Variants in P2RY2 observed in about 807,000 individuals in gnomAD.
P2RY2 encodes the protein P2Y purinoceptor 2.
For synonymous variants in P2RY2, 241 were observed against 231.9 expected, an observed-to-expected ratio of 1.04 and a Z score of -0.35; for missense variants, 567 against 515.7, an observed-to-expected ratio of 1.10 and a Z score of -0.96.
chr11:73,229,904 A>C (rs1185035864), intron 2 of P2RY2, among the ~76,000 whole-genome samples: 1 of 151,998 alleles, frequency 6.6e-6, no homozygotes, highest in Non-Finnish European at 1.5e-5. Context: ...TCCCTGTCCA[A>C]GTGGGGCAGA....
intron 1 of P2RY2, chr11:73,218,720 T>C (rs1483358963): frequency 6.6e-6 from 1 of 152,232 alleles, no homozygotes; most frequent in Admixed American, 6.5e-5. Flanking sequence ...GAGGTCTGCG[T>C]GTTAGCGGGT....
chr11:73,234,575 T>C lies in P2RY2; in HGVS notation c.416T>C (p.Leu139Pro). 4 of 1,577,378 alleles carry C rather than the reference T, an allele frequency of 2.5e-6. No homozygotes were observed. Among genetic ancestry groups the C allele is most frequent in the Non-Finnish European group, 3.4e-6 (4 of 1,161,012 alleles). Reference sequence around the variant, plus strand: ...CGGTGTCTGGGCGTCTTACGACCTCTGCGCTCCCTGCGCTGGGGCCGGGCC... The same window carrying C: ...CGGTGTCTGGGCGTCTTACGACCTCCGCGCTCCCTGCGCTGGGGCCGGGCC... ...VHRCLGVLRP[L>P]RSLRWGRARY... The change falls in exon 3 of 3, where the codon CTG (leucine) becomes CCG (proline). Residue 139 changes from leucine (L) to proline (P), a missense_variant. Leu to Pro is a moderately conservative substitution (Grantham distance 98). Transcript: ENST00000393597.
chr11:73,234,243 C>T lies in P2RY2; in HGVS notation c.84C>T (p.Asn28=), dbSNP rs147189011. The change falls in exon 3 of 3, where the codon AAC becomes AAT. Residue 28 remains asparagine (N), a synonymous_variant. Transcript: ENST00000393597. ...GDELGYRCRF[N]EDFKYVLLPV... ...AGCTGGGCTACAGGTGCCGCTTCAA[C>T]GAGGACTTCAAGTACGTGCTGCTGC... 4.3e-6 allele frequency: 7 copies of T among 1,614,064 alleles called. No individual in the cohort carries two copies. The highest frequency in any genetic ancestry group is 1.6e-4 in the Middle Eastern group (1 of 6,084).
chr11:73,233,894 T>C lies in P2RY2; in HGVS notation c.-4-262T>C, dbSNP rs1203609258. On this transcript the variant is annotated intron_variant, in intron 2 of 2. Coordinates refer to ENST00000393597, the MANE Select transcript of P2RY2 (RefSeq NM_002564.4). ...TGTAAACAGATGGGCACCGTTGTGT[T>C]CCAACAAAGCTGAATTTACAAAAGC... 5 of 521,770 alleles carry C rather than the reference T, an allele frequency of 9.6e-6. No homozygotes were observed. The Admixed American group carries it at 1.4e-4, about 15-fold the overall frequency. 32.3% of individuals were successfully genotyped at this position (521,770 alleles called of 1,614,324 possible). A position where few individuals can be genotyped will look rare whatever the true frequency, so the allele number is the denominator to read the frequency against.
At chr11:73,220,873 G>C (rs970268119) in intron 1 of P2RY2, among the ~76,000 whole-genome samples, 1 of 152,168 alleles carries the variant, frequency 6.6e-6, no homozygotes, top group African/African-American at 2.4e-5. Context: ...GACCAGCTAA[G>C]AAGGTGTGAG....
Position 73,235,571 on chromosome 11 carries a change from T to C in P2RY2, c.*278T>C. ...AATGACACCCCTGGCCTGACTCCCA[T>C]GCAAGTAGCTGGCTGTACTGCCAAG... On this transcript the variant is annotated 3_prime_UTR_variant, in exon 3 of 3. Coordinates refer to ENST00000393597, the MANE Select transcript of P2RY2 (RefSeq NM_002564.4). 3 of 1,153,654 alleles carry C rather than the reference T, an allele frequency of 2.6e-6. No homozygotes were observed. Among genetic ancestry groups the C allele is most frequent in the Non-Finnish European group, 2.2e-6 (2 of 929,432 alleles). 71.5% of individuals were successfully genotyped at this position (1,153,654 alleles called of 1,614,324 possible). A position where few individuals can be genotyped will look rare whatever the true frequency, so the allele number is the denominator to read the frequency against.
At position 73,236,556 on chromosome 11, in the gene P2RY2, G is replaced by A. The variant is rs1405445369; in HGVS notation, c.*1263G>A. On this transcript the variant is annotated 3_prime_UTR_variant, in exon 3 of 3. Coordinates refer to ENST00000393597, the MANE Select transcript of P2RY2 (RefSeq NM_002564.4). ...AGGATGCATCCCAGGCAAAGACATG[G>A]GGCAAGAGGGCAGGGTGTGCATGAG... is the stretch of plus-strand genomic sequence containing the variant. 1.0e-6 allele frequency: 1 copy of A among 985,316 alleles called. No individual in the cohort carries two copies. Among genetic ancestry groups the A allele is most frequent in the East Asian group, 1.1e-4 (1 of 8,800 alleles). The allele number at this position is 985,316 out of a possible 1,614,324, so 61.0% of individuals were successfully genotyped here.
Position 73,236,581 on chromosome 11 carries a change from G to A in P2RY2, c.*1288G>A, listed in dbSNP as rs180869209. 404 of 985,414 alleles carry A rather than the reference G, an allele frequency of 4.1e-4. No individual in the cohort carries two copies. The highest frequency in any genetic ancestry group is 2.6e-3 in the Admixed American group (42 of 16,292). The allele number at this position is 985,414 out of a possible 1,614,324, so 61.0% of individuals were successfully genotyped here. A position where few individuals can be genotyped will look rare whatever the true frequency, so the allele number is the denominator to read the frequency against. On this transcript the variant is annotated 3_prime_UTR_variant, in exon 3 of 3. Transcript: ENST00000393597. ...GGGCAAGAGGGCAGGGTGTGCATGA[G>A]CCATAAGCAGGCTGGACAGCTGACT...
intron 1 of P2RY2, among the ~76,000 whole-genome samples, chr11:73,222,799 T>C (rs544959727): frequency 6.6e-6 from 1 of 152,342 alleles, no homozygotes; most frequent in East Asian, 1.9e-4. Flanking sequence ...TAGGAGTTGC[T>C]GTGTGCTCCA....
At chr11:73,233,917 A>G in intron 2 of P2RY2, 1 of 545,030 alleles carries the variant, frequency 1.8e-6, no homozygotes. Flanking sequence ...AATTTACAAA[A>G]GCAGACTGGA....
At chr11:73,219,298 G>A (rs1473469295) in intron 1 of P2RY2, among the ~76,000 whole-genome samples, 1 of 152,188 alleles carries the variant, frequency 6.6e-6, no homozygotes, top group Non-Finnish European at 1.5e-5. Context: ...ATTACCTGTG[G>A]GTGGAAGTGG....
intron 1 of P2RY2, among the ~76,000 whole-genome samples, chr11:73,226,528 C>A (rs1862283359): frequency 6.6e-6 from 1 of 152,084 alleles, no homozygotes; most frequent in African/African-American, 2.4e-5. Flanking sequence ...CCAAGCTATT[C>A]CTGCAGTGCC....
chr11:73,234,754 A>G lies in P2RY2; in HGVS notation c.595A>G (p.Ser199Gly), dbSNP rs141776297. ...PELFSRFVAY[S>G]SVMLGLLFAV... ...GCTCTTCAGCCGCTTCGTGGCCTAC[A>G]GCTCAGTCATGCTGGGCCTGCTCTT... Residue 199 changes from serine to glycine, a missense_variant, in exon 3 of 3, where the codon AGC becomes GGC. Ser to Gly is a moderately conservative substitution (Grantham distance 56, BLOSUM62 0). Coordinates refer to ENST00000393597, the MANE Select transcript of P2RY2 (RefSeq NM_002564.4). 7.5e-4 allele frequency: 1,212 copies of G among 1,611,020 alleles called. 3 individuals carry two copies. Among genetic ancestry groups the G allele is most frequent in the Non-Finnish European group, 7.4e-4 (872 of 1,179,930 alleles).
At position 73,236,861 on chromosome 11, in the gene P2RY2, C is replaced by T. The variant is rs181202261; in HGVS notation, c.*1568C>T. On this transcript the variant is annotated 3_prime_UTR_variant, in exon 3 of 3. Coordinates refer to ENST00000393597, the MANE Select transcript of P2RY2 (RefSeq NM_002564.4). Reference sequence around the variant, plus strand: ...TCTAGCCAGGACCACTCTGGGCTGACGTGTGGCGCTCAGCTGGACAGGGCC... The same window carrying T: ...TCTAGCCAGGACCACTCTGGGCTGATGTGTGGCGCTCAGCTGGACAGGGCC... The T allele has an allele frequency of 3.7e-5, 36 of 985,342 alleles. No homozygotes were observed. The Middle Eastern group carries it at 1.6e-3, about 43-fold the overall frequency. The allele number at this position is 985,342 out of a possible 1,614,324, so 61.0% of individuals were successfully genotyped here.
rs1234461071 is a variant in P2RY2, at chr11:73,236,068, A to G, written c.*775A>G. On this transcript the variant is annotated 3_prime_UTR_variant, in exon 3 of 3. Transcript: ENST00000393597. ...CTAGCTGTCTCAGGAGTAGTCTCAT[A>G]TCAGGGATCCTCTCTCCAGGCCCCA... The G allele has an allele frequency of 9.0e-6, 9 of 997,598 alleles. No individual in the cohort carries two copies. The highest frequency in any genetic ancestry group is 1.1e-5 in the Non-Finnish European group (9 of 827,734). The allele number at this position is 997,598 out of a possible 1,614,324, so 61.8% of individuals were successfully genotyped here. A position where few individuals can be genotyped will look rare whatever the true frequency, so the allele number is the denominator to read the frequency against.
rs887600439 is a variant in P2RY2 at position 73,240,853 on chromosome 11, C to T, written c.*5560C>T. The T allele has an allele frequency of 3.9e-5, 6 of 152,262 alleles. No individual in the cohort carries two copies. The highest frequency in any genetic ancestry group is 1.4e-4 in the African/African-American group (6 of 41,448). The allele number at this position is 152,262 out of a possible 1,614,324, so 9.4% of individuals were successfully genotyped here. On this transcript the variant is annotated 3_prime_UTR_variant, in exon 3 of 3. Coordinates refer to ENST00000393597, the MANE Select transcript of P2RY2 (RefSeq NM_002564.4). The stretch of plus-strand genomic sequence containing the variant: ...AGTGAGCCCAGTGCAGGGGCCTGAC[C>T]TTAAACCCTTTCTCCCCACTGAGTC...
intron 1 of P2RY2, among the ~76,000 whole-genome samples, chr11:73,219,679 C>A (rs1253774107): frequency 6.6e-6 from 1 of 152,222 alleles, no homozygotes; most frequent in Admixed American, 6.5e-5. Context: ...ATAACTGGGG[C>A]CTGCCAGCCT....
In P2RY2 at chr11:73,235,256, C is replaced by T. The variant is rs141485889; in HGVS notation, c.1097C>T (p.Pro366Leu). The T allele has an allele frequency of 9.5e-6, 15 of 1,585,110 alleles. No homozygotes were observed. Among genetic ancestry groups the T allele is most frequent in the South Asian group, 5.8e-5 (5 of 86,944 alleles). The change falls in exon 3 of 3, where the codon CCG (proline) becomes CTG (leucine). Residue 366 changes from proline (P) to leucine (L), a missense_variant. By Grantham distance (98) the Pro-to-Leu change is moderately conservative (BLOSUM62 -3). Transcript: ENST00000393597. ...SEDSRRTESTPAGSENTKDIR... is the reference protein window; with the variant it reads ...SEDSRRTESTLAGSENTKDIR... ...GACTCTAGGCGGACAGAGTCCACGC[C>T]GGCTGGTAGCGAGAACACTAAGGAC...
chr11:73,224,955 G>A (rs1396052123), intron 1 of P2RY2, among the ~76,000 whole-genome samples: 4 of 152,214 alleles, frequency 2.6e-5, no homozygotes, highest in Non-Finnish European at 4.4e-5. Flanking sequence ...GGGTTTTGGA[G>A]TTAAGAGACT....
Sources: allele counts gnomAD v4.1 joint callset (sites outside exome capture counted in the v4.1 genomes callset), GRCh38; gene constraint gnomAD v4.1.1; transcripts MANE v1.5; gene names NCBI Gene and HGNC (gene_info 2026-07-23, HGNC 2026-07-21).